Variants in PFKM observed in about 807,000 individuals in gnomAD.
PFKM encodes phosphofructokinase, muscle.
PFKM carries 58 observed loss-of-function variants against 95.5 expected under a neutral mutation model. The observed-to-expected ratio is 0.61, with a 90% CI of 0.49 to 0.76. The LOEUF (loss-of-function observed/expected upper bound fraction) is 0.76. Among genes scored for constraint, PFKM ranks in the 30% least tolerant of loss-of-function variants. The probability of loss-of-function intolerance (pLI) is 0.00; values close to 1 mark genes in which losing one functional copy is unlikely to be tolerated. For synonymous variants in PFKM, 336 were observed against 357.2 expected, an observed-to-expected ratio of 0.94 and a Z score of 0.67; for missense variants, 678 against 1,005.4, an observed-to-expected ratio of 0.67 and a Z score of 4.40.
At chr12:48,117,124 C>T (rs138295395), upstream of PFKM, among the ~76,000 whole-genome samples, 49 of 152,290 alleles carry the variant, frequency 3.2e-4, no homozygotes, top group East Asian at 8.9e-3. Context: ...ATACAGTATG[C>T]AGCCTTTTCA....
intron 1 of PFKM, among the ~76,000 whole-genome samples, chr12:48,122,223 C>A (rs570429345): frequency 6.6e-6 from 1 of 152,268 alleles, no homozygotes; most frequent in East Asian, 1.9e-4. Context: ...GCCTCAGACT[C>A]CAGTTTCAAC....
At chr12:48,134,887 C>T in intron 8 of PFKM, 56 bp from the exon 9 acceptor site, 1 of 1,586,916 alleles carries the variant, frequency 6.3e-7, no homozygotes, top group South Asian at 1.1e-5. Context: ...CTGATGATCT[C>T]TTTCCCACCC....
At chr12:48,118,833 G>T (rs950499337), upstream of PFKM, among the ~76,000 whole-genome samples, 5 of 152,100 alleles carry the variant, frequency 3.3e-5, no homozygotes, top group African/African-American at 9.7e-5. Context: ...AGTTTTTGAG[G>T]CTATTCTATA....
chr12:48,131,859 T>C (rs924967754), intron 4 of PFKM: 7 of 367,646 alleles, frequency 1.9e-5, no homozygotes, highest in Non-Finnish European at 3.2e-5. Context: ...CCTAAGAGTA[T>C]CCTGAGGATT....
intron 11 of PFKM, 57 bp downstream of exon 11, chr12:48,137,903 C>T (rs1056111678): frequency 2.5e-6 from 4 of 1,594,970 alleles, no homozygotes; most frequent in Non-Finnish European, 2.6e-6. Flanking sequence ...CCTTGGAGCT[C>T]AAGGGGCATG....
rs761487239 is a variant in PFKM at position 48,145,293 on chromosome 12, C to T, written c.2176C>T (p.Leu726=). 15 of 1,613,784 alleles carry T rather than the reference C, an allele frequency of 9.3e-6. No individual in the cohort carries two copies. The South Asian group carries it at 1.6e-4, about 18-fold the overall frequency. Residue 726 remains leucine, a synonymous_variant, in exon 22 of 23, where the codon CTG becomes TTG. Coordinates refer to ENST00000359794, the MANE Select transcript of PFKM (RefSeq NM_000289.6). This position sits in a 1 kb window ranked among gnomAD's most constrained non-coding sequence, Gnocchi z 4.3. ...TCTGGTCTTCCAACCAGTGGCTGAG[C>T]TGAAGGACCAGACAGATTTTGAGTG... ...RALVFQPVAE[L]KDQTDFEHRI... is the part of the protein sequence containing the mutation.
intron 2 of PFKM, among the ~76,000 whole-genome samples, chr12:48,123,608 G>C (rs182756796): frequency 2.1e-4 from 32 of 152,224 alleles, no homozygotes; most frequent in African/African-American, 7.2e-4. Context: ...TCTTTGAAAA[G>C]GATACATGAC....
In PFKM at chr12:48,131,337, G is replaced by A. The variant is rs201380165; in HGVS notation, c.181G>A (p.Gly61Ser). The change falls in exon 4 of 23, where the codon GGT becomes AGT. Residue 61 changes from glycine (G) to serine (S), a missense_variant. Physicochemically the swap from Gly to Ser is moderately conservative, Grantham distance 56. Transcript: ENST00000359794. ...ACAGGGTTATCAAGGCCTGGTGGAT[G>A]GTGGAGATCACATCAAGGAAGCCAC... is the stretch of plus-strand genomic sequence containing the variant. ...VHEGYQGLVD[G>S]GDHIKEATWE... The A allele has an allele frequency of 1.2e-6, 2 of 1,612,978 alleles. No individual in the cohort carries two copies. Among genetic ancestry groups the A allele is most frequent in the African/African-American group, 2.7e-5 (2 of 75,004 alleles).
intron 7 of PFKM, 44 bp downstream of exon 7, chr12:48,134,320 T>C (rs1423640300): frequency 6.5e-7 from 1 of 1,542,360 alleles, no homozygotes; most frequent in Admixed American, 1.7e-5. Flanking sequence ...GACCTAGCGA[T>C]AGCCCTTTCC....
intron 2 of PFKM, among the ~76,000 whole-genome samples, chr12:48,129,545 C>T (rs1345508508): frequency 1.3e-5 from 2 of 152,176 alleles, no homozygotes; most frequent in Non-Finnish European, 1.5e-5. Flanking sequence ...TCTTCCTGCA[C>T]ACTTGGTCAC....
chr12:48,124,152 A>G (rs1948579449), intron 2 of PFKM, among the ~76,000 whole-genome samples: 1 of 152,172 alleles, frequency 6.6e-6, no homozygotes, highest in South Asian at 2.1e-4. Context: ...TTTTAAACTA[A>G]TATTTATTAT....
At chr12:48,115,909 G>A (rs970477383), upstream of PFKM, among the ~76,000 whole-genome samples, 1 of 152,110 alleles carries the variant, frequency 6.6e-6, no homozygotes, top group Non-Finnish European at 1.5e-5. Context: ...TTGGTATACA[G>A]ATTTTGTGTG....
chr12:48,122,550 T>C (rs755775897), intron 1 of PFKM: 165 of 1,391,084 alleles, frequency 1.2e-4, no homozygotes, highest in Non-Finnish European at 1.5e-4. Flanking sequence ...AGGACCTTAG[T>C]AGTCTTGGGC....
chr12:48,123,945 T>C (rs187048100), intron 2 of PFKM, among the ~76,000 whole-genome samples: 140 of 152,334 alleles, frequency 9.2e-4, no homozygotes, highest in African/African-American at 3.0e-3. Context: ...GAACTCTTTA[T>C]TTAAGTAAGG....
intron 20 of PFKM, among the ~76,000 whole-genome samples, 174 bp from the exon 21 acceptor site, chr12:48,144,857 G>T (rs571319227): frequency 4.6e-5 from 7 of 152,312 alleles, no homozygotes; most frequent in African/African-American, 1.7e-4. Context: ...TGCTGGGCCA[G>T]CTTGCCTTGG....
At chr12:48,119,750 G>C (rs1376397679) in intron 1 of PFKM, 3 of 152,188 alleles carry the variant, frequency 2.0e-5, no homozygotes, top group Non-Finnish European at 4.4e-5. Flanking sequence ...TCCCTGCCGC[G>C]TGCTTATATA....
At position 48,143,846 on chromosome 12, in the gene PFKM, G is replaced by C. The variant is rs4075914; in HGVS notation, c.1880+32G>C. 122,373 of 1,541,192 alleles carry C rather than the reference G, an allele frequency of 0.079. 5,807 individuals are homozygous for C. The highest frequency in any genetic ancestry group is 0.096 in the Non-Finnish European group (107,337 of 1,113,342). On this transcript the variant is annotated intron_variant, in intron 19 of 22. Transcript: ENST00000359794. ...CATCCATGGTTTGTTCCTAAATGAA[G>C]AAGAAAAATAAGCTTTGGCTCAAAC...
chr12:48,108,282 C>T (rs940259724), intron 3 of PFKM: 2 of 1,199,014 alleles, frequency 1.7e-6, no homozygotes, highest in African/African-American at 1.5e-5. Flanking sequence ...TCAGCGTAGA[C>T]CTACTAAAGC....
upstream of PFKM, chr12:48,105,605 G>A: frequency 1.1e-5 from 5 of 460,258 alleles, no homozygotes; most frequent in South Asian, 8.3e-5. Flanking sequence ...CAAGGAAGGC[G>A]GGAGATGAAG....
Sources: allele counts gnomAD v4.1 joint callset (sites outside exome capture counted in the v4.1 genomes callset), GRCh38; gene constraint gnomAD v4.1.1; non-coding constraint Gnocchi (gnomAD v3.1); transcripts MANE v1.5; gene names NCBI Gene and HGNC (gene_info 2026-07-23, HGNC 2026-07-21).